The following GAS7 variants were observed in gnomAD, a reference collection of about 807,000 sequenced individuals.
GAS7 encodes the protein growth arrest-specific protein 7.
In GAS7, 28 loss-of-function variants were observed where a neutral mutation model predicts 71.1. The observed-to-expected ratio is 0.39, with a 90% CI of 0.29 to 0.54. The LOEUF (loss-of-function observed/expected upper bound fraction) is 0.54. GAS7 is among the 20% of genes least tolerant of loss of function. The pLI is 0.62. For synonymous variants in GAS7, 258 were observed against 245.8 expected, an observed-to-expected ratio of 1.05 and a Z score of -0.46; for missense variants, 436 against 627.8, an observed-to-expected ratio of 0.69 and a Z score of 3.27.
chr17:9,966,314 T>G (rs1273795152), intron 4 of GAS7, among the ~76,000 whole-genome samples: 1 of 151,970 alleles, frequency 6.6e-6, no homozygotes, highest in South Asian at 2.1e-4. Flanking sequence ...CCCAAAATTC[T>G]AATCTTCCTG....
At chr17:9,956,951 G>A (rs888801069) in intron 5 of GAS7, among the ~76,000 whole-genome samples, 3 of 152,334 alleles carry the variant, frequency 2.0e-5, no homozygotes, top group Middle Eastern at 3.4e-3. Flanking sequence ...GGAGAGCGGT[G>A]TTGTGTGGAA....
At chr17:10,005,346 C>CACAT (rs753952807) in intron 2 of GAS7, among the ~76,000 whole-genome samples, 1 of 149,660 alleles carries the variant, frequency 6.7e-6, no homozygotes, top group African/African-American at 2.5e-5. Flanking sequence ...CACACACACA[C>CACAT]ATATATATAT....
intron 1 of GAS7, among the ~76,000 whole-genome samples, chr17:10,187,567 C>T (rs943507466): frequency 1.3e-5 from 2 of 152,160 alleles, no homozygotes; most frequent in South Asian, 2.1e-4. Flanking sequence ...CAGATTTCCT[C>T]ATGTGTTTAT....
At position 10,120,839 on chromosome 17, in the gene GAS7, G is replaced by C. The variant is rs561658906; in HGVS notation, c.183+77369C>G. Among the ~76,000 whole-genome samples, 17 of 152,336 alleles carry C rather than the reference G, an allele frequency of 1.1e-4. No individual in the cohort carries two copies. In the East Asian group the frequency reaches 2.9e-3, roughly 26 times the overall value. Reference sequence around the variant, plus strand: ...GGGAGAGGAAAGGGCAGGCTGCTAGGGGGAGGGAGGGTGGAGAACGGCAGC... The same window carrying C: ...GGGAGAGGAAAGGGCAGGCTGCTAGCGGGAGGGAGGGTGGAGAACGGCAGC... On this transcript the variant is annotated intron_variant, in intron 1 of 13. Coordinates refer to ENST00000432992, the MANE Select transcript of GAS7 (RefSeq NM_201433.2).
rs1398189092 is a variant in GAS7 at position 9,915,937 on chromosome 17, G to C, written c.*1291C>G. ...CTGAAAGCTTCCCAAGTCACACTCA[G>C]ACCAGACTTTTCCAGGGATTGGAAG... On this transcript the variant is annotated 3_prime_UTR_variant, in exon 14 of 14. Coordinates refer to ENST00000432992, the MANE Select transcript of GAS7 (RefSeq NM_201433.2). 2 of 232,792 alleles carry C rather than the reference G, an allele frequency of 8.6e-6. No homozygotes were observed. Among genetic ancestry groups the C allele is most frequent in the East Asian group, 6.1e-5 (1 of 16,524 alleles). 14.4% of individuals were successfully genotyped at this position (232,792 alleles called of 1,614,324 possible).
At chr17:10,129,667 T>C (rs912630562) in intron 1 of GAS7, among the ~76,000 whole-genome samples, 4 of 152,264 alleles carry the variant, frequency 2.6e-5, no homozygotes, top group African/African-American at 9.6e-5. Context: ...CTGGTCTTTA[T>C]TGAAATTACT....
rs2070391699 is a variant in GAS7 at position 9,981,010 on chromosome 17, A to G, written c.385+794T>C. Among the ~76,000 whole-genome samples the G allele has an allele frequency of 6.6e-6, 1 of 152,174 alleles. No individual in the cohort carries two copies. The highest frequency in any genetic ancestry group is 2.4e-5 in the African/African-American group (1 of 41,438). On this transcript the variant is annotated intron_variant, in intron 3 of 13. Coordinates refer to ENST00000432992, the MANE Select transcript of GAS7 (RefSeq NM_201433.2). This position sits in a 1 kb window ranked among gnomAD's most constrained non-coding sequence, Gnocchi z 4.4. ...CACCTATTATAGGAATGTCCATTTCAGCCAGGCGCGGTGGCTCACACCTTT... is the reference window on the plus strand; with the variant it reads ...CACCTATTATAGGAATGTCCATTTCGGCCAGGCGCGGTGGCTCACACCTTT...
chr17:10,046,458 G>A (rs1366420113), intron 1 of GAS7, among the ~76,000 whole-genome samples: 1 of 150,728 alleles, frequency 6.6e-6, no homozygotes, highest in Non-Finnish European at 1.5e-5. Context: ...CTTGCAAACC[G>A]CTGGGCGCGG....
chr17:10,054,987 A>T (rs566400949), intron 1 of GAS7, among the ~76,000 whole-genome samples: 1 of 152,310 alleles, frequency 6.6e-6, no homozygotes, highest in South Asian at 2.1e-4. Flanking sequence ...GAAGTGGAGG[A>T]GGTGCGTAAG....
At chr17:10,111,631 C>A (rs531952142) in intron 1 of GAS7, among the ~76,000 whole-genome samples, 1 of 152,176 alleles carries the variant, frequency 6.6e-6, no homozygotes, top group Non-Finnish European at 1.5e-5. Context: ...GTACAGTGAG[C>A]CGAGATCACG....
In GAS7 at chr17:9,919,979, G is replaced by A. The variant is rs1250772844; in HGVS notation, c.1139-274C>T. On this transcript the variant is annotated intron_variant, in intron 11 of 13. Coordinates refer to ENST00000432992, the MANE Select transcript of GAS7 (RefSeq NM_201433.2). The surrounding 1 kb of genome is among the most constrained non-coding windows in gnomAD (Gnocchi z 5.0). ...ATGGTGGTTCTCATTTTGTGTGTGT[G>A]TGTGTGTGTGTGTGTGTGTGTGTGT... Among the ~76,000 whole-genome samples, 1 of 129,624 alleles carries A rather than the reference G, an allele frequency of 7.7e-6. No individual in the cohort carries two copies. Among genetic ancestry groups the A allele is most frequent in the African/African-American group, 3.7e-5 (1 of 27,230 alleles). The allele number at this position is 129,624 out of a possible 152,430, so 85.0% of individuals were successfully genotyped here. A position where few individuals can be genotyped will look rare whatever the true frequency, so the allele number is the denominator to read the frequency against.
rs2070094308 is a variant in GAS7 at position 9,974,301 on chromosome 17, A to G, written c.386-4539T>C. Among the ~76,000 whole-genome samples the G allele has an allele frequency of 6.6e-6, 1 of 151,892 alleles. No individual in the cohort carries two copies. The highest frequency in any genetic ancestry group is 6.6e-5 in the Admixed American group (1 of 15,252). ...AGAATACGTCTCAGTGGAGATCTAG[A>G]CAGTTATAGCCCACAAGATCCTGGC... On this transcript the variant is annotated intron_variant, in intron 3 of 13. Transcript: ENST00000432992. This position sits in a 1 kb window ranked among gnomAD's most constrained non-coding sequence, Gnocchi z 4.0.
chr17:10,154,753 T>G (rs2074191806), intron 1 of GAS7, among the ~76,000 whole-genome samples: 1 of 152,132 alleles, frequency 6.6e-6, no homozygotes, highest in East Asian at 1.9e-4. Flanking sequence ...TCTTAACAAC[T>G]GTATCATGCT....
intron 5 of GAS7, among the ~76,000 whole-genome samples, chr17:9,955,300 C>T (rs1335126317): frequency 1.3e-5 from 2 of 152,196 alleles, no homozygotes; most frequent in African/African-American, 4.8e-5. Flanking sequence ...TGGTTAATAC[C>T]AGGGTCCAGC....
chr17:10,149,907 A>G (rs1235822900), intron 1 of GAS7, among the ~76,000 whole-genome samples: 1 of 152,242 alleles, frequency 6.6e-6, no homozygotes, highest in Non-Finnish European at 1.5e-5. Flanking sequence ...GCAAATCCAC[A>G]GAGACAGAAA....
intron 1 of GAS7, among the ~76,000 whole-genome samples, chr17:10,181,268 G>A (rs1157683925): frequency 6.6e-6 from 1 of 151,944 alleles, no homozygotes; most frequent in Admixed American, 6.6e-5. Flanking sequence ...GCTGAGGCAG[G>A]GGAATCGCTT....
chr17:10,196,970 G>C (rs867803332), intron 1 of GAS7, among the ~76,000 whole-genome samples: 1 of 152,176 alleles, frequency 6.6e-6, no homozygotes, highest in African/African-American at 2.4e-5. Context: ...ATACTCTGCT[G>C]ACAGCCCATG....
intron 8 of GAS7, among the ~76,000 whole-genome samples, chr17:9,935,429 C>T (rs8071757): frequency 0.13 from 20,354 of 152,198 alleles, 1,440 homozygotes; most frequent in Non-Finnish European, 0.15. Flanking sequence ...GTGATACCCC[C>T]GCTTTCTTGC....
At chr17:9,967,118 G>A (rs1397766993) in intron 4 of GAS7, among the ~76,000 whole-genome samples, 1 of 150,708 alleles carries the variant, frequency 6.6e-6, no homozygotes, top group Non-Finnish European at 1.5e-5. Flanking sequence ...ACCCGGGCCT[G>A]CATCTCCAGA....
Sources: gnomAD v4.1 joint callset for allele counts (sites outside exome capture counted in the v4.1 genomes callset) on GRCh38, gnomAD v4.1.1 for gene constraint, Gnocchi (gnomAD v3.1) non-coding constraint, MANE v1.5 for transcripts, NCBI Gene and HGNC (gene_info 2026-07-23, HGNC 2026-07-21) for gene names.